Variants in ACKR3 observed in about 807,000 individuals in gnomAD.
ACKR3 encodes the protein atypical chemokine receptor 3.
In ACKR3, 6 loss-of-function variants were observed where a neutral mutation model predicts 22.4. The ratio of observed to expected loss-of-function variants is 0.27; its 90% CI spans 0.15 to 0.53. The LOEUF (loss-of-function observed/expected upper bound fraction) is 0.53. Ranked by LOEUF, ACKR3 falls within the 20% of genes least tolerant of loss-of-function variation. The pLI is 0.96. For synonymous variants in ACKR3, 209 were observed against 205.2 expected (o/e 1.02, Z -0.16); for missense variants, 396 against 475.2 (o/e 0.83, Z 1.55).
chr2:236,552,238 G>A, the ACKR3 span, among the ~76,000 whole-genome samples: 8 of 152,166 alleles, frequency 5.3e-5, no homozygotes, highest in South Asian at 4.1e-4. Flanking sequence ...CTGTTCAGTC[G>A]CCCTGGCCAG....
intron 1 of ACKR3, among the ~76,000 whole-genome samples, chr2:236,571,494 G>A (rs1335507073): frequency 1.3e-5 from 2 of 152,192 alleles, no homozygotes; most frequent in Non-Finnish European, 2.9e-5. Context: ...CAGCATGCCT[G>A]TGCGACACAC....
chr2:236,557,897 G>C, the ACKR3 span, among the ~76,000 whole-genome samples: 1 of 152,058 alleles, frequency 6.6e-6, no homozygotes, highest in Non-Finnish European at 1.5e-5. Flanking sequence ...CTTAAGGAAC[G>C]ATCAGACACA....
At chr2:236,543,402 G>C in the ACKR3 span, among the ~76,000 whole-genome samples, 6 of 152,200 alleles carry the variant, frequency 3.9e-5, no homozygotes, top group African/African-American at 1.2e-4. Context: ...CCAAAGCAAA[G>C]TTTGAGGCCA....
At chr2:236,545,176 G>T in the ACKR3 span, among the ~76,000 whole-genome samples, 2 of 152,192 alleles carry the variant, frequency 1.3e-5, no homozygotes, top group Non-Finnish European at 2.9e-5. The surrounding 1 kb of genome is among the most constrained non-coding windows in gnomAD (Gnocchi z 5.3). Context: ...ATCTTTAGAA[G>T]CTTCCATGTG....
the ACKR3 span, among the ~76,000 whole-genome samples, chr2:236,539,338 A>C: frequency 7.4e-6 from 1 of 134,394 alleles, no homozygotes; most frequent in South Asian, 2.3e-4. Context: ...TTTTAGACAG[A>C]GTCTCACTCT....
intron 1 of ACKR3, among the ~76,000 whole-genome samples, chr2:236,571,262 T>C (rs1032583139): frequency 6.6e-6 from 1 of 152,116 alleles, no homozygotes; most frequent in African/African-American, 2.4e-5. Flanking sequence ...TGCTCTTTTT[T>C]CCCCAGTCTC....
the ACKR3 span, among the ~76,000 whole-genome samples, chr2:236,558,024 C>T: frequency 0.014 from 2,183 of 152,302 alleles, 44 homozygotes; most frequent in African/African-American, 0.046. Flanking sequence ...CTGCAGAGAC[C>T]AGCAACTAAA....
At chr2:236,573,110 C>G (rs1278108996) in intron 1 of ACKR3, among the ~76,000 whole-genome samples, 3 of 152,138 alleles carry the variant, frequency 2.0e-5, no homozygotes, top group Non-Finnish European at 4.4e-5. Flanking sequence ...CCAAAGCTCC[C>G]CTAGGTTACT....
rs1691439351 is a variant in ACKR3 at position 236,577,700 on chromosome 2, C to G, written c.-26-2740C>G. ...TAAGACCTGAGCCAGAGGAATGTCA[C>G]CATGGTGGGGGAGAGAGGTGGGGCG... On this transcript the variant is annotated intron_variant, in intron 1 of 1. Transcript: ENST00000272928. The surrounding 1 kb of genome is among the most constrained non-coding windows in gnomAD (Gnocchi z 5.6). Among the ~76,000 whole-genome samples, 1 of 152,160 alleles carries G rather than the reference C, an allele frequency of 6.6e-6. No individual in the cohort carries two copies. Among genetic ancestry groups the G allele is most frequent in the Non-Finnish European group, 1.5e-5 (1 of 68,040 alleles).
At chr2:236,543,963 A>G in the ACKR3 span, among the ~76,000 whole-genome samples, 1 of 55,662 alleles carries the variant, frequency 1.8e-5, no homozygotes, top group Non-Finnish European at 3.0e-5. Context: ...ATATATATAT[A>G]TATATATATA....
At chr2:236,563,794 G>A (rs186105056), upstream of ACKR3, among the ~76,000 whole-genome samples, 59 of 152,272 alleles carry the variant, frequency 3.9e-4, no homozygotes, top group East Asian at 9.5e-3. Flanking sequence ...GCCCAGACTT[G>A]CGACTGGAAC....
chr2:236,566,767 T>C (rs951593149), upstream of ACKR3, among the ~76,000 whole-genome samples: 3 of 62,790 alleles, frequency 4.8e-5, no homozygotes, highest in Admixed American at 1.9e-4. Flanking sequence ...TTCCTTCCTT[T>C]TCTTTGCTAG....
chr2:236,551,706 T>C, the ACKR3 span, among the ~76,000 whole-genome samples: 1 of 152,374 alleles, frequency 6.6e-6, no homozygotes, highest in East Asian at 1.9e-4. Context: ...TGCCTTGGAC[T>C]GTTTGGAAAC....
At chr2:236,575,730 C>T (rs985976052) in intron 1 of ACKR3, among the ~76,000 whole-genome samples, 3 of 152,042 alleles carry the variant, frequency 2.0e-5, no homozygotes, top group Non-Finnish European at 4.4e-5. Context: ...AACAGCATGT[C>T]GTAACTCTCC....
rs535014620 is a variant in ACKR3 at position 236,581,069 on chromosome 2, G to C, written c.604G>C (p.Glu202Gln). ...NETYCRSFYP[E>Q]HSIKEWLIGM... ...GACCTACTGCCGGTCCTTCTACCCC[G>C]AGCACAGCATCAAGGAGTGGCTGAT... The change falls in exon 2 of 2, where the codon GAG becomes CAG. Residue 202 changes from glutamate (E) to glutamine (Q), a missense_variant. Coordinates refer to ENST00000272928, the MANE Select transcript of ACKR3 (RefSeq NM_020311.3). This position sits in a 1 kb window ranked among gnomAD's most constrained non-coding sequence, Gnocchi z 4.4. 1.2e-6 allele frequency: 2 copies of C among 1,614,128 alleles called. No individual in the cohort carries two copies. Among genetic ancestry groups the C allele is most frequent in the East Asian group, 2.2e-5 (1 of 44,876 alleles).
At chr2:236,575,462 G>T (rs1344454634) in intron 1 of ACKR3, among the ~76,000 whole-genome samples, 1 of 121,390 alleles carries the variant, frequency 8.2e-6, no homozygotes, top group African/African-American at 3.2e-5. Context: ...TGTGTCTGGG[G>T]TTGTGCTGTG....
the ACKR3 span, among the ~76,000 whole-genome samples, chr2:236,538,599 C>T: frequency 6.6e-6 from 1 of 152,156 alleles, no homozygotes; most frequent in Non-Finnish European, 1.5e-5. Context: ...TTTCTGTCTT[C>T]TGAGAAGTGG....
At chr2:236,566,222 C>T (rs1407588523), upstream of ACKR3, among the ~76,000 whole-genome samples, 1 of 152,198 alleles carries the variant, frequency 6.6e-6, no homozygotes, top group African/African-American at 2.4e-5. Context: ...GCGTGCAACC[C>T]CAGGTGCAGA....
In ACKR3 at chr2:236,577,011, G is replaced by A. The variant is rs1425478876; in HGVS notation, c.-26-3429G>A. On this transcript the variant is annotated intron_variant, in intron 1 of 1. Transcript: ENST00000272928. This position sits in a 1 kb window ranked among gnomAD's most constrained non-coding sequence, Gnocchi z 5.6. ...CCTGGAACCTTTGGTGGTGGGAAGG[G>A]AGAGGCCCGTCCAGGCCCCGAGAGG... 6.6e-6 allele frequency among the ~76,000 whole-genome samples: 1 copy of A among 152,212 alleles called. No homozygotes were observed. The highest frequency in any genetic ancestry group is 2.4e-5 in the African/African-American group (1 of 41,456).
Sources: gnomAD v4.1 joint callset for allele counts (sites outside exome capture counted in the v4.1 genomes callset) on GRCh38, gnomAD v4.1.1 for gene constraint, Gnocchi (gnomAD v3.1) non-coding constraint, MANE v1.5 for transcripts, NCBI Gene and HGNC (gene_info 2026-07-23, HGNC 2026-07-21) for gene names.